PITPNC1: variants seen among roughly 807,000 people sequenced by gnomAD.
PITPNC1 encodes phosphatidylinositol transfer protein cytoplasmic 1.
Under a neutral mutation model 44.7 loss-of-function variants are expected in PITPNC1, and 18 were observed. That is an observed-to-expected ratio of 0.40 (90% CI 0.28 to 0.60). The LOEUF (loss-of-function observed/expected upper bound fraction) is 0.60. PITPNC1 is among the 20% of genes least tolerant of loss of function. PITPNC1 has a pLI of 0.39. For missense variants in PITPNC1, 290 were observed against 418.4 expected, an observed-to-expected ratio of 0.69 and a Z score of 2.68; for synonymous variants, 141 against 149.6, an observed-to-expected ratio of 0.94 and a Z score of 0.42.
intron 1 of PITPNC1, among the ~76,000 whole-genome samples, chr17:67,425,197 G>GCGCGCGCGCGCGCCCA (rs748898605): frequency 4.1e-5 from 4 of 98,468 alleles, no homozygotes; most frequent in Admixed American, 2.2e-4. Context: ...GCGCGCGCAC[G>GCGCGCGCGCGCGCCCA]CACACGCACA....
At position 67,672,808 on chromosome 17, in the gene PITPNC1, G is replaced by A. The variant is rs1338946305; in HGVS notation, c.619-2671G>A. On this transcript the variant is annotated intron_variant, in intron 7 of 8. Transcript: ENST00000581322. The stretch of plus-strand genomic sequence containing the variant: ...GAAACGCACCTGCTCTCGCACGTGA[G>A]TCGCTAATGAGTATCTGAGGCTAGC... Among the ~76,000 whole-genome samples the A allele has an allele frequency of 2.0e-5, 3 of 152,224 alleles. No individual in the cohort carries two copies. In the East Asian group the frequency reaches 5.8e-4, roughly 29 times the overall value.
At chr17:67,384,997 T>G (rs1187727551) in intron 1 of PITPNC1, among the ~76,000 whole-genome samples, 3 of 152,230 alleles carry the variant, frequency 2.0e-5, no homozygotes, top group Non-Finnish European at 4.4e-5. Context: ...TTTGAGAGGT[T>G]GTTTTATTTT....
At chr17:67,388,490 T>G (rs966640841) in intron 1 of PITPNC1, among the ~76,000 whole-genome samples, 2 of 151,624 alleles carry the variant, frequency 1.3e-5, no homozygotes, top group African/African-American at 4.8e-5. Context: ...CCCGGCTAAT[T>G]TTTGTATTTT....
intron 1 of PITPNC1, among the ~76,000 whole-genome samples, chr17:67,503,899 G>T (rs2040068225): frequency 6.6e-6 from 1 of 152,136 alleles, no homozygotes; most frequent in African/African-American, 2.4e-5. Context: ...AGAAGTGATT[G>T]TTTCCTTCTT....
intron 2 of PITPNC1, among the ~76,000 whole-genome samples, chr17:67,547,348 C>T (rs2040698278): frequency 6.6e-6 from 1 of 152,074 alleles, no homozygotes; most frequent in African/African-American, 2.4e-5. Context: ...GACCCCATCT[C>T]TACCAGAAAA....
chr17:67,579,381 T>C (rs1019568875), intron 5 of PITPNC1, among the ~76,000 whole-genome samples: 2 of 152,180 alleles, frequency 1.3e-5, no homozygotes, highest in African/African-American at 4.8e-5. Context: ...CCAGAGTTCA[T>C]GGAACTTCCC....
rs1320288350 is a variant in PITPNC1, at chr17:67,696,631, A to G, written c.*3743A>G. 1.3e-5 allele frequency: 2 copies of G among 152,232 alleles called. No individual in the cohort carries two copies. Among genetic ancestry groups the G allele is most frequent in the African/African-American group, 4.8e-5 (2 of 41,456 alleles). The allele number at this position is 152,232 out of a possible 1,614,324, so 9.4% of individuals were successfully genotyped here. The stretch of plus-strand genomic sequence containing the variant: ...TGATTATGAATAAACTATTTTAACT[A>G]TTCATTCTTGCTGAAACTGAAGTGT... On this transcript the variant is annotated 3_prime_UTR_variant, in exon 9 of 9. Transcript: ENST00000581322.
intron 5 of PITPNC1, among the ~76,000 whole-genome samples, chr17:67,610,649 G>A (rs773173263): frequency 2.6e-5 from 4 of 152,100 alleles, no homozygotes; most frequent in Admixed American, 6.6e-5. Context: ...TTAGCCGGGC[G>A]TGGTGGCTCA....
At chr17:67,600,384 T>C (rs2041525572) in intron 5 of PITPNC1, among the ~76,000 whole-genome samples, 9 of 152,140 alleles carry the variant, frequency 5.9e-5, no homozygotes, top group Admixed American at 5.2e-4. Context: ...GAAAATAACT[T>C]TGTAGACAGA....
chr17:67,606,619 T>G (rs550090976), intron 5 of PITPNC1, among the ~76,000 whole-genome samples: 2 of 152,332 alleles, frequency 1.3e-5, no homozygotes, highest in East Asian at 3.9e-4. Flanking sequence ...AAAGCCGAAC[T>G]TTATAATGGA....
chr17:67,561,833 C>A (rs1438277803), intron 4 of PITPNC1, among the ~76,000 whole-genome samples: 1 of 152,180 alleles, frequency 6.6e-6, no homozygotes, highest in South Asian at 2.1e-4. Flanking sequence ...TGGGCTCAAG[C>A]AATCCTCCTG....
chr17:67,558,215 C>T (rs977415878), intron 4 of PITPNC1, among the ~76,000 whole-genome samples: 1 of 151,864 alleles, frequency 6.6e-6, no homozygotes, highest in Non-Finnish European at 1.5e-5. Flanking sequence ...TGAGTGACTG[C>T]GTGTGTTTAG....
intron 2 of PITPNC1, among the ~76,000 whole-genome samples, chr17:67,551,015 T>C (rs1309005215): frequency 1.3e-5 from 2 of 152,140 alleles, no homozygotes; most frequent in African/African-American, 2.4e-5. Flanking sequence ...GAGCCGAGAC[T>C]GCACCAGTGC....
intron 1 of PITPNC1, among the ~76,000 whole-genome samples, chr17:67,427,799 T>C (rs1300464470): frequency 1.3e-5 from 2 of 152,182 alleles, no homozygotes; most frequent in African/African-American, 4.8e-5. Context: ...AATCAGATGC[T>C]TACCTTTAAG....
At chr17:67,618,501 A>T (rs1171215781) in intron 5 of PITPNC1, among the ~76,000 whole-genome samples, 2 of 152,022 alleles carry the variant, frequency 1.3e-5, no homozygotes, top group South Asian at 2.1e-4. Context: ...CTGTAATCCC[A>T]GTACTTTGGG....
At chr17:67,599,030 ATATATT>A (rs1311486132) in intron 5 of PITPNC1, among the ~76,000 whole-genome samples, 101 of 30,138 alleles carry the variant, frequency 3.4e-3, no homozygotes, top group Middle Eastern at 0.022. Flanking sequence ...ATATATATAT[ATATATT>A]TTTTTTTTTT....
chr17:67,640,809 G>A (rs1298627526), intron 6 of PITPNC1, among the ~76,000 whole-genome samples: 1 of 151,866 alleles, frequency 6.6e-6, no homozygotes, highest in Non-Finnish European at 1.5e-5. Context: ...GGACAACATG[G>A]TGAAAACCCA....
intron 1 of PITPNC1, among the ~76,000 whole-genome samples, chr17:67,423,441 G>A (rs2038699461): frequency 6.6e-6 from 1 of 152,170 alleles, no homozygotes; most frequent in African/African-American, 2.4e-5. Context: ...CTAAAGGCAA[G>A]GATGTGGGCT....
intron 2 of PITPNC1, among the ~76,000 whole-genome samples, chr17:67,549,089 T>C (rs2040722733): frequency 1.3e-5 from 2 of 152,328 alleles, no homozygotes; most frequent in East Asian, 1.9e-4. Flanking sequence ...TAGCGCATCA[T>C]GGAACTTGTT....
Sources: allele counts gnomAD v4.1 joint callset (sites outside exome capture counted in the v4.1 genomes callset), GRCh38; gene constraint gnomAD v4.1.1; transcripts MANE v1.5; gene names NCBI Gene and HGNC (gene_info 2026-07-23, HGNC 2026-07-21).